Variants in RARS1 observed in about 807,000 individuals in gnomAD.
The protein encoded by RARS1 is arginyl-tRNA synthetase 1, also known as arginine--tRNA ligase, cytoplasmic.
RARS1 carries 75 observed loss-of-function variants against 78.7 expected under a neutral mutation model. The ratio of observed to expected loss-of-function variants is 0.95; its 90% CI spans 0.79 to 1.15. The LOEUF (loss-of-function observed/expected upper bound fraction) is 1.15, where lower values mean the gene tolerates loss of function less well. Ranked by LOEUF, RARS1 falls within the 50% of genes most tolerant of loss-of-function variation. The pLI is 0.00. For missense variants in RARS1, 787 were observed against 787.5 expected (o/e 1.00, Z 0.01); for synonymous variants, 273 against 268.2 (o/e 1.02, Z -0.18).
chr5:168,506,772 T>C lies in RARS1; in HGVS notation c.1287T>C (p.Tyr429=). 6.2e-6 allele frequency: 10 copies of C among 1,614,066 alleles called. No homozygotes were observed. Among genetic ancestry groups the C allele is most frequent in the Non-Finnish European group, 8.5e-6 (10 of 1,179,932 alleles). Residue 429 remains tyrosine, a synonymous_variant, in exon 11 of 15, where the codon TAT becomes TAC. Coordinates refer to ENST00000231572, the MANE Select transcript of RARS1 (RefSeq NM_002887.4). ...IFAAAQMIGW[Y]DPKVTRVFHA... ...CTGCTGCTCAAATGATTGGTTGGTA[T>C]GACCCTAAAGTAACTCGAGTCTTCC...
intron 9 of RARS1, among the ~76,000 whole-genome samples, chr5:168,504,415 C>T (rs1758392584): frequency 1.3e-5 from 2 of 150,576 alleles, no homozygotes; most frequent in Non-Finnish European, 3.0e-5. Context: ...CCCAGCTACT[C>T]GGGAGGCTGA....
intron 3 of RARS1, 56 bp downstream of exon 3, chr5:168,492,903 A>G (rs1257295748): frequency 1.1e-5 from 15 of 1,349,890 alleles, no homozygotes; most frequent in African/African-American, 1.4e-5. Context: ...TATTATCATC[A>G]TTGCCATTTA....
intron 3 of RARS1, 113 bp from the exon 4 acceptor site, chr5:168,493,781 C>T: frequency 2.6e-6 from 2 of 755,016 alleles, no homozygotes; most frequent in Non-Finnish European, 4.4e-6. Context: ...TTCTCTGCTT[C>T]TGCCTTTTGA....
At position 168,501,727 on chromosome 5, in the gene RARS1, A is replaced by AATT. The variant is rs61525394; in HGVS notation, c.953-272_953-271insTAT. On this transcript the variant is annotated intron_variant, in intron 8 of 14. Coordinates refer to ENST00000231572, the MANE Select transcript of RARS1 (RefSeq NM_002887.4). ...GACAGAGCGAGACTCCATCTCAAAAAATAATAATAAAAAGAAAGTAAACGT... is the reference window on the plus strand; with the variant it reads ...GACAGAGCGAGACTCCATCTCAAAAAATTATAATAATAAAAAGAAAGTAAACGT... Among the ~76,000 whole-genome samples, 24,187 of 152,112 alleles carry AATT rather than the reference A, an allele frequency of 0.16. 2,436 individuals carry two copies. Among genetic ancestry groups the AATT allele is most frequent in the East Asian group, 0.52 (2,659 of 5,132 alleles).
intron 12 of RARS1, among the ~76,000 whole-genome samples, chr5:168,516,431 T>C (rs1487994761): frequency 4.6e-5 from 7 of 152,226 alleles, no homozygotes; most frequent in African/African-American, 1.7e-4. Flanking sequence ...CTCTGTTTCC[T>C]ATAACCTCAC....
chr5:168,490,397 G>A (rs6898877), intron 2 of RARS1, among the ~76,000 whole-genome samples: 2 of 152,020 alleles, frequency 1.3e-5, no homozygotes, highest in East Asian at 1.9e-4. Context: ...CGAACTCCTC[G>A]CCTCAAGTAA....
rs756878080 is a variant in RARS1, at chr5:168,506,789, G to T, written c.1304G>T (p.Arg435Leu). ...GGTTGGTATGACCCTAAAGTAACTCGAGTCTTCCATGCTGGATTTGGTGTG... is the reference window on the plus strand; with the variant it reads ...GGTTGGTATGACCCTAAAGTAACTCTAGTCTTCCATGCTGGATTTGGTGTG... ...MIGWYDPKVTRVFHAGFGVVL... is the reference protein window; with the variant it reads ...MIGWYDPKVTLVFHAGFGVVL... Residue 435 changes from arginine to leucine, a missense_variant, in exon 11 of 15, where the codon CGA becomes CTA. Physicochemically the swap from Arg to Leu is moderately radical, Grantham distance 102. Coordinates refer to ENST00000231572, the MANE Select transcript of RARS1 (RefSeq NM_002887.4). 2 of 1,613,710 alleles carry T rather than the reference G, an allele frequency of 1.2e-6. No homozygotes were observed. The highest frequency in any genetic ancestry group is 1.7e-5 in the Admixed American group (1 of 59,998).
At chr5:168,491,982 TA>T (rs1195073869) in intron 2 of RARS1, among the ~76,000 whole-genome samples, 1 of 143,026 alleles carries the variant, frequency 7.0e-6, no homozygotes, top group Non-Finnish European at 1.5e-5. Context: ...TAAACTGCTG[TA>T]TGGCAAGTAC....
intron 7 of RARS1, among the ~76,000 whole-genome samples, chr5:168,498,309 C>T (rs571138048): frequency 2.4e-4 from 37 of 151,890 alleles, no homozygotes; most frequent in Non-Finnish European, 2.7e-4. Flanking sequence ...TTAATCAATG[C>T]ATTATAGGAC....
intron 9 of RARS1, among the ~76,000 whole-genome samples, chr5:168,505,338 C>A (rs1284341266): frequency 6.6e-6 from 1 of 152,194 alleles, no homozygotes; most frequent in African/African-American, 2.4e-5. Flanking sequence ...TCCAAGAATT[C>A]TGTCTTTTTT....
At chr5:168,486,612 G>T in intron 1 of RARS1, 69 bp downstream of exon 1, 1 of 1,514,424 alleles carries the variant, frequency 6.6e-7, no homozygotes, top group South Asian at 1.2e-5. Context: ...TGCCCAAGCG[G>T]CTTCGGGGGC....
chr5:168,495,136 C>T, intron 5 of RARS1, 179 bp from the exon 6 acceptor site: 1 of 1,022,716 alleles, frequency 9.8e-7, no homozygotes, highest in Non-Finnish European at 1.3e-6. Flanking sequence ...CAAGCAGATC[C>T]ATCATAAAAT....
intron 3 of RARS1, 52 bp from the exon 4 acceptor site, chr5:168,493,842 A>C: frequency 6.9e-7 from 1 of 1,446,504 alleles, no homozygotes; most frequent in Non-Finnish European, 9.6e-7. Flanking sequence ...TGCATTTGCG[A>C]GTAACTTGCT....
chr5:168,495,126 C>T (rs2305729), intron 5 of RARS1, 189 bp from the exon 6 acceptor site: 23,416 of 938,484 alleles, frequency 0.025, 1,369 homozygotes, highest in Admixed American at 0.22. Flanking sequence ...TAAAAATATA[C>T]AAGCAGATCC....
intron 12 of RARS1, among the ~76,000 whole-genome samples, chr5:168,516,481 T>A (rs1758668407): frequency 6.6e-6 from 1 of 152,238 alleles, no homozygotes; most frequent in Non-Finnish European, 1.5e-5. Context: ...TAATAATTGA[T>A]GCTTCTGGTT....
At position 168,486,477 on chromosome 5, in the gene RARS1, C is replaced by A. The variant is rs192677481; in HGVS notation, c.-22C>A. 6.4e-7 allele frequency: 1 copy of A among 1,554,904 alleles called. No homozygotes were observed. Among genetic ancestry groups the A allele is most frequent in the Non-Finnish European group, 8.7e-7 (1 of 1,148,238 alleles). ...ACCGTTTCCGCTTCCGTCCACTTGG[C>A]GAGTGAGACGCTGATGGGAGGATGG... On this transcript the variant is annotated 5_prime_UTR_variant, in exon 1 of 15. Coordinates refer to ENST00000231572, the MANE Select transcript of RARS1 (RefSeq NM_002887.4).
chr5:168,513,550 A>G (rs1758607149), intron 12 of RARS1, among the ~76,000 whole-genome samples: 1 of 151,976 alleles, frequency 6.6e-6, no homozygotes, highest in Admixed American at 6.6e-5. Flanking sequence ...AAATCCCTGG[A>G]CTCAGCAATC....
Position 168,506,908 on chromosome 5 carries a change from A to C in RARS1, c.1346+77A>C, listed in dbSNP as rs1024915761. 1.6e-5 allele frequency: 19 copies of C among 1,194,676 alleles called. No homozygotes were observed. The Admixed American group carries it at 3.7e-4, about 23-fold the overall frequency. 74.0% of individuals were successfully genotyped at this position (1,194,676 alleles called of 1,614,324 possible). On this transcript the variant is annotated intron_variant, in intron 11 of 14. Coordinates refer to ENST00000231572, the MANE Select transcript of RARS1 (RefSeq NM_002887.4). Reference sequence around the variant, plus strand: ...TACTTTTCATTTGATACCATATTAGAATTAAGAAAGTCCACAGTTTCCTTT... The same window carrying C: ...TACTTTTCATTTGATACCATATTAGCATTAAGAAAGTCCACAGTTTCCTTT...
chr5:168,493,592 C>G lies in RARS1; in HGVS notation c.370-302C>G, dbSNP rs9647571. 0.15 allele frequency among the ~76,000 whole-genome samples: 22,508 copies of G among 147,164 alleles called. 1,933 individuals carry two copies. The highest frequency in any genetic ancestry group is 0.19 in the Non-Finnish European group (12,843 of 67,244). ...GAGGTTACAGTGAGCCGAGATCACA[C>G]CACTGCACTCCAGCCTGGGCAACAG... On this transcript the variant is annotated intron_variant, in intron 3 of 14. Transcript: ENST00000231572.
Sources: gnomAD v4.1 joint callset for allele counts (sites outside exome capture counted in the v4.1 genomes callset) on GRCh38, gnomAD v4.1.1 for gene constraint, MANE v1.5 for transcripts, NCBI Gene and HGNC (gene_info 2026-07-23, HGNC 2026-07-21) for gene names.